ADK: variants seen among roughly 807,000 people sequenced by gnomAD.
The protein encoded by ADK is N6,N6-dimethyladenosine kinase.
ADK carries 24 observed loss-of-function variants against 44.7 expected under a neutral mutation model. The observed-to-expected ratio is 0.54, with a 90% confidence interval of 0.39 to 0.76. ADK has a LOEUF of 0.76. Ranked by LOEUF, ADK falls within the 30% of genes least tolerant of loss-of-function variation. ADK has a pLI of 0.00. For synonymous variants in ADK, 128 were observed against 142.6 expected (o/e 0.90, Z 0.73); for missense variants, 321 against 425.1 (o/e 0.76, Z 2.15).
At chr10:74,171,818 G>C (rs930042830) in intron 1 of ADK, among the ~76,000 whole-genome samples, 26 of 146,396 alleles carry the variant, frequency 1.8e-4, no homozygotes, top group East Asian at 3.9e-4. Context: ...CTCTGTGTGT[G>C]TGTGTGTGTG....
intron 6 of ADK, among the ~76,000 whole-genome samples, chr10:74,496,147 C>T (rs930483459): frequency 6.6e-6 from 1 of 152,158 alleles, no homozygotes; most frequent in Non-Finnish European, 1.5e-5. Context: ...GGGGGTCTTA[C>T]CTAGGCTGGA....
chr10:74,364,987 T>A (rs955545596), intron 4 of ADK, among the ~76,000 whole-genome samples: 20 of 152,190 alleles, frequency 1.3e-4, no homozygotes, highest in Middle Eastern at 3.4e-3. Context: ...TGTCCTCCAG[T>A]CTGTGTTCCA....
At chr10:74,220,117 C>G (rs1253422638) in intron 2 of ADK, among the ~76,000 whole-genome samples, 2 of 151,930 alleles carry the variant, frequency 1.3e-5, no homozygotes, top group African/African-American at 4.8e-5. Context: ...ATTGATAGAC[C>G]ACTAGCAAGA....
chr10:74,368,765 GACTT>G, intron 4 of ADK, among the ~76,000 whole-genome samples: 1 of 152,026 alleles, frequency 6.6e-6, no homozygotes, highest in Non-Finnish European at 1.5e-5. Context: ...AAGTAGCTGG[GACTT>G]ACAGGCACAC....
chr10:74,195,712 T>C (rs954125179), intron 1 of ADK, among the ~76,000 whole-genome samples: 2,725 of 141,402 alleles, frequency 0.019, 36 homozygotes, highest in Non-Finnish European at 0.026. Flanking sequence ...TCTTTCTTTT[T>C]TTTTTTTTTT....
At chr10:74,494,231 C>T (rs1030680585) in intron 6 of ADK, among the ~76,000 whole-genome samples, 2 of 152,092 alleles carry the variant, frequency 1.3e-5, no homozygotes, top group Non-Finnish European at 2.9e-5. Context: ...TTACCTACCT[C>T]CATATTTTTA....
At chr10:74,481,900 A>G (rs1004543886) in intron 6 of ADK, among the ~76,000 whole-genome samples, 4 of 152,238 alleles carry the variant, frequency 2.6e-5, no homozygotes, top group Non-Finnish European at 4.4e-5. Flanking sequence ...GACAATACAA[A>G]TAGTACCTAT....
Position 74,176,474 on chromosome 10 carries a change from C to T in ADK, c.66-24290C>T, listed in dbSNP as rs927371550. ...GACAGTGGCCACGTGACTGCTAAAC[C>T]GGTTGCCAGAGGCGCGGCCATTTTT... is the stretch of plus-strand genomic sequence containing the variant. On this transcript the variant is annotated intron_variant, in intron 1 of 10. Coordinates refer to ENST00000539909, the MANE Select transcript of ADK (RefSeq NM_006721.4). 7.9e-6 allele frequency: 9 copies of T among 1,140,226 alleles called. No individual in the cohort carries two copies. In the Admixed American group the frequency reaches 3.0e-4, roughly 38 times the overall value. 70.6% of individuals were successfully genotyped at this position (1,140,226 alleles called of 1,614,324 possible).
At chr10:74,610,003 T>G (rs1852483081) in intron 9 of ADK, among the ~76,000 whole-genome samples, 1 of 152,062 alleles carries the variant, frequency 6.6e-6, no homozygotes, top group Non-Finnish European at 1.5e-5. Flanking sequence ...TCAAAAAAAT[T>G]TTCAAGGGAG....
At chr10:74,185,704 C>T (rs1842728538) in intron 1 of ADK, among the ~76,000 whole-genome samples, 1 of 150,816 alleles carries the variant, frequency 6.6e-6, no homozygotes, top group African/African-American at 2.4e-5. Context: ...GGCGTGGTAG[C>T]GGGCGCCTGT....
chr10:74,310,903 T>C (rs1173733381), intron 3 of ADK, among the ~76,000 whole-genome samples: 1 of 152,220 alleles, frequency 6.6e-6, no homozygotes, highest in Non-Finnish European at 1.5e-5. Context: ...CCTGCCTTTT[T>C]CATTCAGAAT....
intron 7 of ADK, among the ~76,000 whole-genome samples, chr10:74,531,634 A>G (rs1260114002): frequency 6.6e-6 from 1 of 152,116 alleles, no homozygotes. Context: ...CCTGGGTTCA[A>G]ATGATCCTCC....
At chr10:74,634,066 A>AT (rs1244847508) in intron 9 of ADK, among the ~76,000 whole-genome samples, 2 of 152,194 alleles carry the variant, frequency 1.3e-5, no homozygotes, top group Non-Finnish European at 2.9e-5. Flanking sequence ...AGAACTTAAT[A>AT]AAGATGTCTC....
chr10:74,321,807 A>G lies in ADK; in HGVS notation c.273+7062A>G, dbSNP rs181197957. 1.8e-3 allele frequency among the ~76,000 whole-genome samples: 268 copies of G among 152,328 alleles called. 1 individual carries two copies. Among genetic ancestry groups the G allele is most frequent in the African/African-American group, 5.5e-3 (227 of 41,578 alleles). On this transcript the variant is annotated intron_variant, in intron 4 of 10. Transcript: ENST00000539909. ...AAGTGTTTTCTTGATGTAAAACATCACATAATAAACTAGTGTTCATAATTG... is the reference window on the plus strand; with the variant it reads ...AAGTGTTTTCTTGATGTAAAACATCGCATAATAAACTAGTGTTCATAATTG...
At chr10:74,699,695 T>C (rs1856347847) in intron 10 of ADK, among the ~76,000 whole-genome samples, 2 of 152,066 alleles carry the variant, frequency 1.3e-5, no homozygotes, top group Admixed American at 1.3e-4. Flanking sequence ...AATTATAAAA[T>C]AGAGGGTGAA....
intron 3 of ADK, among the ~76,000 whole-genome samples, chr10:74,246,268 T>C (rs1278532195): frequency 6.6e-6 from 1 of 152,236 alleles, no homozygotes; most frequent in African/African-American, 2.4e-5. Flanking sequence ...TACCATGCCA[T>C]ACTGATTGAA....
At chr10:74,593,858 T>C (rs1041771201) in intron 8 of ADK, among the ~76,000 whole-genome samples, 3 of 152,178 alleles carry the variant, frequency 2.0e-5, no homozygotes, top group Non-Finnish European at 4.4e-5. Context: ...TGATGGGCAT[T>C]TGGGTTGGTT....
intron 1 of ADK, chr10:74,176,884 C>T (rs750956975): frequency 1.2e-6 from 2 of 1,610,148 alleles, no homozygotes; most frequent in Admixed American, 1.7e-5. Context: ...TGACGTCAGT[C>T]AGGTAACGAG....
chr10:74,647,078 A>C (rs1854078868), intron 9 of ADK, among the ~76,000 whole-genome samples: 2 of 151,988 alleles, frequency 1.3e-5, no homozygotes, highest in African/African-American at 2.4e-5. Context: ...AGCTCTTCCC[A>C]ATTAATAAAC....
Sources: gnomAD v4.1 joint callset for allele counts (sites outside exome capture counted in the v4.1 genomes callset) on GRCh38, gnomAD v4.1.1 for gene constraint, MANE v1.5 for transcripts, NCBI Gene and HGNC (gene_info 2026-07-23, HGNC 2026-07-21) for gene names.